C16orf96: variants seen among roughly 807,000 people sequenced by gnomAD.
C16orf96 encodes chromosome 16 open reading frame 96.
C16orf96 carries 108 observed loss-of-function variants against 103.6 expected under a neutral mutation model. The observed-to-expected ratio is 1.04, with a 90% CI of 0.89 to 1.22. C16orf96 has a LOEUF of 1.22. C16orf96 is among the 50% of genes most tolerant of loss of function. The pLI is 0.00. For missense variants in C16orf96, 1,586 were observed against 1,464.2 expected, an observed-to-expected ratio of 1.08 and a Z score of -1.36; for synonymous variants, 566 against 593.5, an observed-to-expected ratio of 0.95 and a Z score of 0.67.
chr16:4,564,996 G>A (rs979526319), intron 1 of C16orf96, among the ~76,000 whole-genome samples: 18 of 152,154 alleles, frequency 1.2e-4, no homozygotes, highest in African/African-American at 3.9e-4. Context: ...TACATTCCTC[G>A]TTTCCGTGGA....
intron 1 of C16orf96, among the ~76,000 whole-genome samples, chr16:4,567,426 C>A (rs1000822733): frequency 6.7e-6 from 1 of 150,084 alleles, no homozygotes; most frequent in African/African-American, 2.4e-5. Context: ...TGGGACTACA[C>A]GTGCCCGCCA....
chr16:4,594,667 G>A (rs777448664), intron 13 of C16orf96, 37 bp from the exon 14 acceptor site: 175 of 1,547,720 alleles, frequency 1.1e-4, no homozygotes, highest in Non-Finnish European at 1.4e-4. Flanking sequence ...AGATCGGGTC[G>A]GGGGCTCCCT....
At chr16:4,573,085 G>C (rs1042284241) in intron 2 of C16orf96, among the ~76,000 whole-genome samples, 9 of 152,088 alleles carry the variant, frequency 5.9e-5, no homozygotes, top group African/African-American at 2.2e-4. Context: ...AAAGAACGCT[G>C]TTAAAAGCTG....
rs534006847 is a variant in C16orf96, at chr16:4,593,364, A to C, written c.2867+48A>C. On this transcript the variant is annotated intron_variant, in intron 12 of 15. Coordinates refer to ENST00000444310, the MANE Select transcript of C16orf96 (RefSeq NM_001145011.2). The surrounding 1 kb of genome is among the most constrained non-coding windows in gnomAD (Gnocchi z 4.2). ...AGGGAGGCCGCCCCGCATGGAGGCC[A>C]CTCTGGAGCCTGGGAACCCTGTTCC... 6.7e-7 allele frequency: 1 copy of C among 1,494,432 alleles called. No homozygotes were observed. Among genetic ancestry groups the C allele is most frequent in the Non-Finnish European group, 9.1e-7 (1 of 1,100,684 alleles). 92.6% of individuals were successfully genotyped at this position (1,494,432 alleles called of 1,614,324 possible).
At chr16:4,571,712 C>G (rs971280097) in intron 2 of C16orf96, 47 bp downstream of exon 2, 1 of 1,391,854 alleles carries the variant, frequency 7.2e-7, no homozygotes. Flanking sequence ...TTGCTCAGGC[C>G]TCTGGGGGTT....
chr16:4,576,998 C>T (rs1473753673), intron 5 of C16orf96, among the ~76,000 whole-genome samples: 1 of 152,014 alleles, frequency 6.6e-6, no homozygotes. Context: ...TCAAGATGAG[C>T]CTGACCAACA....
At chr16:4,550,418 G>A in the C16orf96 span, among the ~76,000 whole-genome samples, 2 of 152,144 alleles carry the variant, frequency 1.3e-5, no homozygotes, top group Admixed American at 6.6e-5. Flanking sequence ...GCACATCAGA[G>A]CAAACACTGA....
chr16:4,582,822 C>T (rs1022574983), intron 7 of C16orf96, among the ~76,000 whole-genome samples: 3 of 152,154 alleles, frequency 2.0e-5, no homozygotes, highest in Admixed American at 2.0e-4. Flanking sequence ...CCTGCGTGTC[C>T]GTAGTTGTCA....
intron 7 of C16orf96, among the ~76,000 whole-genome samples, chr16:4,580,663 A>G (rs2059573931): frequency 6.6e-6 from 1 of 152,040 alleles, no homozygotes; most frequent in African/African-American, 2.4e-5. Context: ...CCAGGGTAAC[A>G]CAGGGAGACC....
chr16:4,545,925 C>T, the C16orf96 span, among the ~76,000 whole-genome samples: 1 of 152,018 alleles, frequency 6.6e-6, no homozygotes, highest in African/African-American at 2.4e-5. Flanking sequence ...TCTCAGCTCA[C>T]CACAACTTCC....
intron 13 of C16orf96, 22 bp from the exon 14 acceptor site, chr16:4,594,682 C>T (rs577945817): frequency 7.7e-6 from 12 of 1,550,702 alleles, no homozygotes; most frequent in African/African-American, 4.1e-5. Flanking sequence ...CTCCCTAACC[C>T]GGGACCTGGG....
At position 4,579,043 on chromosome 16, in the gene C16orf96, A is replaced by G; in HGVS notation, c.2241+18A>G. On this transcript the variant is annotated intron_variant, in intron 6 of 15. Coordinates refer to ENST00000444310, the MANE Select transcript of C16orf96 (RefSeq NM_001145011.2). Reference sequence around the variant, plus strand: ...GGCTCAAGGTTAGTGTCTCCGGCGAAGGGCTTTTGAGGCAGTGATGGCTTG... The same window carrying G: ...GGCTCAAGGTTAGTGTCTCCGGCGAGGGGCTTTTGAGGCAGTGATGGCTTG... 2 of 1,548,740 alleles carry G rather than the reference A, an allele frequency of 1.3e-6. No individual in the cohort carries two copies. Among genetic ancestry groups the G allele is most frequent in the African/African-American group, 2.7e-5 (2 of 73,128 alleles).
At chr16:4,594,881 G>C (rs1386369102) in intron 14 of C16orf96, 78 bp downstream of exon 14, 1 of 1,444,682 alleles carries the variant, frequency 6.9e-7, no homozygotes, top group East Asian at 2.5e-5. Flanking sequence ...GGTGCAGGTG[G>C]GGCCCAGAGC....
the C16orf96 span, among the ~76,000 whole-genome samples, chr16:4,550,251 AT>A: frequency 6.6e-6 from 1 of 151,990 alleles, no homozygotes; most frequent in Non-Finnish European, 1.5e-5. Context: ...TGCCCAGCTA[AT>A]TTTTATAATT....
At chr16:4,549,341 C>T in the C16orf96 span, among the ~76,000 whole-genome samples, 393 of 151,796 alleles carry the variant, frequency 2.6e-3, 4 homozygotes, top group African/African-American at 9.3e-3. Context: ...GGCGTGGTGG[C>T]GGGTGCCTGT....
Position 4,600,332 on chromosome 16 carries a change from C to A in C16orf96, c.*15C>A. On this transcript the variant is annotated 3_prime_UTR_variant, in exon 16 of 16. Transcript: ENST00000444310. ...CCAACCCGTGAGCCCCACCCCGCTG[C>A]GCCCCCCATCGCCAAGTCCCCTCCA... 6.6e-7 allele frequency: 1 copy of A among 1,517,944 alleles called. No individual in the cohort carries two copies. Among genetic ancestry groups the A allele is most frequent in the Non-Finnish European group, 8.9e-7 (1 of 1,121,952 alleles). 94.0% of individuals were successfully genotyped at this position (1,517,944 alleles called of 1,614,324 possible).
chr16:4,576,669 G>T (rs1404269963), intron 5 of C16orf96, 34 bp downstream of exon 5: 3 of 1,515,354 alleles, frequency 2.0e-6, no homozygotes, highest in Non-Finnish European at 2.7e-6. Context: ...AGGGCACAAG[G>T]GAGTGGGGCT....
At chr16:4,549,467 T>C in the C16orf96 span, among the ~76,000 whole-genome samples, 5 of 130,268 alleles carry the variant, frequency 3.8e-5, no homozygotes, top group African/African-American at 1.5e-4. Context: ...AGCAAGACTC[T>C]GTCTAAAAAA....
intron 12 of C16orf96, 56 bp from the exon 13 acceptor site, chr16:4,594,295 C>T: frequency 1.3e-6 from 2 of 1,532,552 alleles, no homozygotes; most frequent in South Asian, 1.2e-5. Context: ...GGGGCCCGTC[C>T]TGGGCTCTGG....
Sources: gnomAD v4.1 joint callset for allele counts (sites outside exome capture counted in the v4.1 genomes callset) on GRCh38, gnomAD v4.1.1 for gene constraint, Gnocchi (gnomAD v3.1) non-coding constraint, MANE v1.5 for transcripts, NCBI Gene and HGNC (gene_info 2026-07-23, HGNC 2026-07-21) for gene names.